Variants in RTN4 observed in about 807,000 individuals in gnomAD.
RTN4 encodes the protein reticulon-4.
RTN4 carries 32 observed loss-of-function variants against 90.4 expected under a neutral mutation model. That is an observed-to-expected ratio of 0.35 (90% confidence interval 0.27 to 0.48). The LOEUF is 0.48. Among genes scored for constraint, RTN4 ranks in the 20% least tolerant of loss-of-function variants. RTN4 has a pLI of 0.99. For synonymous variants in RTN4, 629 were observed against 552.5 expected, an observed-to-expected ratio of 1.14 and a Z score of -1.94; for missense variants, 1,706 against 1,430.2, an observed-to-expected ratio of 1.19 and a Z score of -3.11.
intron 2 of RTN4, among the ~76,000 whole-genome samples, chr2:55,065,754 TAA>T (rs11351020): frequency 7.3e-5 from 11 of 151,234 alleles, no homozygotes; most frequent in East Asian, 1.9e-4. Flanking sequence ...GGCTAGATAA[TAA>T]AAAAAAAACA....
the RTN4 span, among the ~76,000 whole-genome samples, chr2:55,131,794 G>C: frequency 1.3e-5 from 2 of 152,126 alleles, no homozygotes; most frequent in African/African-American, 2.4e-5. Flanking sequence ...TGAGGCAGGA[G>C]AATTGCTTGA....
intron 1 of RTN4, among the ~76,000 whole-genome samples, chr2:55,097,170 G>T (rs1046894638): frequency 5.3e-5 from 8 of 151,770 alleles, no homozygotes; most frequent in African/African-American, 1.9e-4. Flanking sequence ...TAATATGGAA[G>T]TATTTGCAAA....
At chr2:55,013,709 G>C (rs1250249436) in intron 3 of RTN4, among the ~76,000 whole-genome samples, 1 of 152,024 alleles carries the variant, frequency 6.6e-6, no homozygotes, top group Non-Finnish European at 1.5e-5. Flanking sequence ...ACTAGGCAAG[G>C]TGTTAAGTCC....
intron 1 of RTN4, among the ~76,000 whole-genome samples, chr2:55,089,637 T>C (rs1668902392): frequency 6.6e-6 from 1 of 152,254 alleles, no homozygotes; most frequent in Non-Finnish European, 1.5e-5. Flanking sequence ...GTCAACTGCA[T>C]GTCTAGTGCT....
intron 1 of RTN4, among the ~76,000 whole-genome samples, chr2:55,109,743 A>T (rs1447549813): frequency 1.3e-5 from 2 of 152,230 alleles, no homozygotes; most frequent in East Asian, 3.8e-4. Context: ...GACTCAGAGC[A>T]TATGTTGACC....
Position 54,995,988 on chromosome 2 carries a change from G to C in RTN4, c.3014-8290C>G, listed in dbSNP as rs530406505. Among the ~76,000 whole-genome samples the C allele has an allele frequency of 3.3e-5, 5 of 152,146 alleles. No homozygotes were observed. The East Asian group carries it at 9.7e-4, about 29-fold the overall frequency. On this transcript the variant is annotated intron_variant, in intron 3 of 8. Transcript: ENST00000337526. ...AAAAATTCTAAGGAATCCACAAAAA[G>C]CTACTAGAAATAATGAATGAGAGTC... is the stretch of plus-strand genomic sequence containing the variant.
At chr2:55,105,227 G>GA (rs1667923555) in intron 1 of RTN4, among the ~76,000 whole-genome samples, 1 of 114,044 alleles carries the variant, frequency 8.8e-6, no homozygotes, top group Non-Finnish European at 1.8e-5. Context: ...TGCTATTGAA[G>GA]TTTTTTTTTT....
intron 1 of RTN4, among the ~76,000 whole-genome samples, chr2:55,031,499 C>T (rs1481382281): frequency 6.6e-6 from 1 of 152,206 alleles, no homozygotes; most frequent in Non-Finnish European, 1.5e-5. Flanking sequence ...GCTGCATGTG[C>T]ACAGCACAAG....
intron 1 of RTN4, among the ~76,000 whole-genome samples, chr2:55,080,818 A>C (rs1306653160): frequency 6.6e-6 from 1 of 152,228 alleles, no homozygotes; most frequent in Admixed American, 6.5e-5. Context: ...ACATATCCAC[A>C]AACTGTCCCA....
chr2:55,128,446 G>A, the RTN4 span, among the ~76,000 whole-genome samples: 1 of 152,120 alleles, frequency 6.6e-6, no homozygotes, highest in African/African-American at 2.4e-5. Context: ...GGAAAACGTG[G>A]AGTTCTAGAC....
intron 1 of RTN4, among the ~76,000 whole-genome samples, chr2:55,111,887 G>A (rs1053217414): frequency 6.6e-5 from 10 of 152,206 alleles, no homozygotes; most frequent in Non-Finnish European, 1.2e-4. Context: ...CAGCTCTGCC[G>A]GCAGACCCTG....
At chr2:55,107,829 T>C (rs73936837) in intron 1 of RTN4, among the ~76,000 whole-genome samples, 5,094 of 152,230 alleles carry the variant, frequency 0.033, 276 homozygotes, top group African/African-American at 0.1. Flanking sequence ...TGAATAGTTC[T>C]GCATGACTCT....
intron 1 of RTN4, among the ~76,000 whole-genome samples, chr2:55,042,438 G>A (rs1683139410): frequency 6.6e-6 from 1 of 152,096 alleles, no homozygotes; most frequent in Non-Finnish European, 1.5e-5. Flanking sequence ...CATCCCCAGA[G>A]TCCTCTGCAT....
chr2:55,090,031 T>A (rs1296654107), intron 1 of RTN4, among the ~76,000 whole-genome samples: 4 of 152,186 alleles, frequency 2.6e-5, no homozygotes, highest in Admixed American at 1.3e-4. Flanking sequence ...GAAGAACACA[T>A]GTTTTCTAAG....
intron 4 of RTN4, among the ~76,000 whole-genome samples, chr2:54,984,289 A>G (rs1678375881): frequency 6.6e-6 from 1 of 152,206 alleles, no homozygotes; most frequent in Non-Finnish European, 1.5e-5. Context: ...ATACTTGTAT[A>G]TTTTTCCTAC....
intron 1 of RTN4, among the ~76,000 whole-genome samples, chr2:55,086,052 T>C (rs1378624874): frequency 1.3e-5 from 2 of 152,204 alleles, no homozygotes; most frequent in East Asian, 1.9e-4. Context: ...CTTCATCAGA[T>C]AGAGCCCTTT....
chr2:55,127,583 T>G, the RTN4 span, among the ~76,000 whole-genome samples: 1 of 152,198 alleles, frequency 6.6e-6, no homozygotes, highest in African/African-American at 2.4e-5. Context: ...ACTTTCCCAT[T>G]CATCACGTCA....
chr2:54,988,609 G>A (rs1372398819), intron 3 of RTN4, among the ~76,000 whole-genome samples: 3 of 152,012 alleles, frequency 2.0e-5, no homozygotes, highest in Non-Finnish European at 4.4e-5. Flanking sequence ...ATCATTAAAA[G>A]AAGAATTTCC....
chr2:55,023,027 A>C (rs1041328202), intron 3 of RTN4, among the ~76,000 whole-genome samples: 8 of 151,640 alleles, frequency 5.3e-5, no homozygotes, highest in African/African-American at 1.9e-4. Flanking sequence ...TTGGTTCTTA[A>C]ACCTAATCTG....
Sources: gnomAD v4.1 joint callset for allele counts (sites outside exome capture counted in the v4.1 genomes callset) on GRCh38, gnomAD v4.1.1 for gene constraint, MANE v1.5 for transcripts, NCBI Gene and HGNC (gene_info 2026-07-23, HGNC 2026-07-21) for gene names.